ZNF382: variants seen among roughly 807,000 people sequenced by gnomAD.
The protein encoded by ZNF382 is zinc finger protein 382.
ZNF382 carries 20 observed loss-of-function variants against 38.8 expected under a neutral mutation model. The ratio of observed to expected loss-of-function variants is 0.51; its 90% CI spans 0.36 to 0.75. ZNF382 has a LOEUF of 0.75. Ranked by LOEUF, ZNF382 falls within the 30% of genes least tolerant of loss-of-function variation. The pLI is 0.00. For synonymous variants in ZNF382, 202 were observed against 223.1 expected (o/e 0.91, Z 0.84); for missense variants, 546 against 654.1 (o/e 0.83, Z 1.80).
At chr19:36,620,084 A>G (rs554267238) in intron 4 of ZNF382, among the ~76,000 whole-genome samples, 3 of 152,060 alleles carry the variant, frequency 2.0e-5, no homozygotes, top group African/African-American at 2.4e-5. Context: ...TTTAATATCT[A>G]TCTCCCTCAT....
chr19:36,606,413 T>C (rs1323578176), intron 1 of ZNF382, among the ~76,000 whole-genome samples: 1 of 151,470 alleles, frequency 6.6e-6, no homozygotes, highest in African/African-American at 2.4e-5. Context: ...TGGAGTGTAG[T>C]GGCATGATCT....
chr19:36,622,700 T>C (rs994882830), intron 4 of ZNF382, among the ~76,000 whole-genome samples: 3 of 152,088 alleles, frequency 2.0e-5, no homozygotes, highest in Non-Finnish European at 2.9e-5. Context: ...CCCTAAATCA[T>C]ATTGTTACTG....
In ZNF382 at chr19:36,627,371, A is replaced by G. The variant is rs751209191; in HGVS notation, c.1474A>G (p.Asn492Asp). 1.2e-5 allele frequency: 20 copies of G among 1,613,834 alleles called. No individual in the cohort carries two copies. The highest frequency in any genetic ancestry group is 1.6e-5 in the Non-Finnish European group (19 of 1,179,964). Reference protein sequence around the residue: ...HHRIHTGEKSNGCPQCGKAFS... With the variant: ...HHRIHTGEKSDGCPQCGKAFS... ...CAGAATACATACAGGAGAAAAATCC[A>G]ATGGGTGTCCTCAGTGTGGGAAAGC... Residue 492 changes from asparagine (N) to aspartate (D), a missense_variant, in exon 5 of 5, where the codon AAT (asparagine) becomes GAT (aspartate). By Grantham distance (23) the Asn-to-Asp change is conservative. Coordinates refer to ENST00000292928, the MANE Select transcript of ZNF382 (RefSeq NM_032825.5).
intron 4 of ZNF382, among the ~76,000 whole-genome samples, chr19:36,621,845 T>C (rs1334409097): frequency 1.3e-5 from 2 of 152,146 alleles, no homozygotes; most frequent in African/African-American, 2.4e-5. Context: ...AAAACTGTAA[T>C]TGGTTTTATT....
At position 36,626,753 on chromosome 19, in the gene ZNF382, C is replaced by T; in HGVS notation, c.856C>T (p.Pro286Ser). Residue 286 changes from proline to serine, a missense_variant, in exon 5 of 5, where the codon CCT (proline) becomes TCT (serine). Physicochemically the swap from Pro to Ser is moderately conservative, Grantham distance 74. Transcript: ENST00000292928. ...FLCRKPVFIM[P>S]QRPQTEEKPF... ...CTGCAGAAAGCCTGTTTTTATTATG[C>T]CTCAGAGACCTCAAACAGAAGAGAA... is the stretch of plus-strand genomic sequence containing the variant. The T allele has an allele frequency of 6.2e-7, 1 of 1,614,172 alleles. No homozygotes were observed. The highest frequency in any genetic ancestry group is 8.5e-7 in the Non-Finnish European group (1 of 1,180,038).
At chr19:36,609,091 G>A (rs1436782572) in intron 2 of ZNF382, 1 of 152,114 alleles carries the variant, frequency 6.6e-6, no homozygotes, top group African/African-American at 2.4e-5. Context: ...TATGTTTATT[G>A]ATGTTCTTTA....
chr19:36,614,914 C>CTTCCCTTTCCCTTTCCCT (rs1555793085), intron 4 of ZNF382, among the ~76,000 whole-genome samples: 10 of 90,784 alleles, frequency 1.1e-4, no homozygotes, highest in African/African-American at 3.7e-4. Flanking sequence ...CTTTCCTTTC[C>CTTCCCTTTCCCTTTCCCT]TTCCCTTTCC....
At chr19:36,621,241 T>G (rs546191839) in intron 4 of ZNF382, among the ~76,000 whole-genome samples, 2 of 152,054 alleles carry the variant, frequency 1.3e-5, no homozygotes, top group South Asian at 4.1e-4. Context: ...GATTTGCCAT[T>G]GACAGCTTCC....
intron 1 of ZNF382, among the ~76,000 whole-genome samples, chr19:36,606,120 A>G (rs1234397678): frequency 2.6e-5 from 4 of 152,166 alleles, no homozygotes; most frequent in Non-Finnish European, 5.9e-5. Context: ...AGACTTGATT[A>G]TCTGAATAGT....
chr19:36,633,653 A>G lies in ZNF382; in HGVS notation c.*6103A>G, dbSNP rs1363853952. On this transcript the variant is annotated 3_prime_UTR_variant, in exon 5 of 5. Coordinates refer to ENST00000292928, the MANE Select transcript of ZNF382 (RefSeq NM_032825.5). ...ACATGAGTGTTTGTAAGTATTATTT[A>G]TAATTAAAAAAAAAACTAGAGACAA... 2.0e-5 allele frequency: 3 copies of G among 152,284 alleles called. No homozygotes were observed. Among genetic ancestry groups the G allele is most frequent in the South Asian group, 2.1e-4 (1 of 4,828 alleles). 9.4% of individuals were successfully genotyped at this position (152,284 alleles called of 1,614,324 possible).
intron 4 of ZNF382, among the ~76,000 whole-genome samples, chr19:36,620,926 T>G (rs1392190476): frequency 6.6e-6 from 1 of 152,032 alleles, no homozygotes; most frequent in African/African-American, 2.4e-5. Flanking sequence ...GCCTGGCTAA[T>G]TTTTGTATTT....
At chr19:36,624,800 G>A (rs746524120) in intron 4 of ZNF382, among the ~76,000 whole-genome samples, 12 of 151,836 alleles carry the variant, frequency 7.9e-5, no homozygotes, top group African/African-American at 1.2e-4. Flanking sequence ...TACAGTTTCC[G>A]GGCACTGTGG....
At position 36,631,627 on chromosome 19, in the gene ZNF382, C is replaced by A. The variant is rs2037254909; in HGVS notation, c.*4077C>A. 1 of 152,104 alleles carries A rather than the reference C, an allele frequency of 6.6e-6. No individual in the cohort carries two copies. The highest frequency in any genetic ancestry group is 2.4e-5 in the African/African-American group (1 of 41,414). 9.4% of individuals were successfully genotyped at this position (152,104 alleles called of 1,614,324 possible). On this transcript the variant is annotated 3_prime_UTR_variant, in exon 5 of 5. Transcript: ENST00000292928. ...GGTCTCAATCTCCTGACCTCGTGAT[C>A]CACCCGCCTCGGCCTCTCAAAGTGC...
Position 36,626,222 on chromosome 19 carries a change from C to T in ZNF382, c.325C>T (p.Leu109=). The T allele has an allele frequency of 1.2e-6, 2 of 1,603,504 alleles. No individual in the cohort carries two copies. The highest frequency in any genetic ancestry group is 1.3e-5 in the African/African-American group (1 of 74,238). ...RPLIFINHKK[L]IKERSNIYGK... ...CCTCATATTCATCAACCACAAAAAACTAATTAAGGAGAGAAGTAATATTTA... is the reference window on the plus strand; with the variant it reads ...CCTCATATTCATCAACCACAAAAAATTAATTAAGGAGAGAAGTAATATTTA... The change falls in exon 5 of 5, where the codon CTA becomes TTA. Residue 109 remains leucine, a synonymous_variant. Transcript: ENST00000292928.
At position 36,633,532 on chromosome 19, in the gene ZNF382, A is replaced by G. The variant is rs2145345375; in HGVS notation, c.*5982A>G. On this transcript the variant is annotated 3_prime_UTR_variant, in exon 5 of 5. Coordinates refer to ENST00000292928, the MANE Select transcript of ZNF382 (RefSeq NM_032825.5). Reference sequence around the variant, plus strand: ...AAGCCGGTCTGGAAAACAATATGCCAGTCTCAAAAAGTTACACATCCAATA... The same window carrying G: ...AAGCCGGTCTGGAAAACAATATGCCGGTCTCAAAAAGTTACACATCCAATA... 6.6e-6 allele frequency: 1 copy of G among 152,360 alleles called. No homozygotes were observed. The highest frequency in any genetic ancestry group is 6.5e-5 in the Admixed American group (1 of 15,300). 9.4% of individuals were successfully genotyped at this position (152,360 alleles called of 1,614,324 possible).
At chr19:36,624,076 G>A (rs1438533923) in intron 4 of ZNF382, among the ~76,000 whole-genome samples, 1 of 151,752 alleles carries the variant, frequency 6.6e-6, no homozygotes, top group Non-Finnish European at 1.5e-5. Flanking sequence ...GTGACAGAGT[G>A]AGACTTTGTC....
At chr19:36,611,208 T>C (rs1407698006) in intron 4 of ZNF382, among the ~76,000 whole-genome samples, 3 of 152,100 alleles carry the variant, frequency 2.0e-5, no homozygotes, top group Non-Finnish European at 4.4e-5. Context: ...GAGAATTGCT[T>C]GAACCTGGGA....
At chr19:36,625,175 CT>C (rs977415182) in intron 4 of ZNF382, among the ~76,000 whole-genome samples, 5 of 120,726 alleles carry the variant, frequency 4.1e-5, no homozygotes, top group Non-Finnish European at 6.8e-5. Flanking sequence ...TATATTTTGT[CT>C]TTTGCTGTAT....
chr19:36,627,681 A>AACACACACACACAC lies in ZNF382; in HGVS notation c.*147_*160dup, dbSNP rs10669183. On this transcript the variant is annotated 3_prime_UTR_variant, in exon 5 of 5. Coordinates refer to ENST00000292928, the MANE Select transcript of ZNF382 (RefSeq NM_032825.5). ...TAACCTACTGTTTGCCAGCCTGTAA[A>AACACACACACACAC]ACACACACACACACACACACACACA... is the stretch of plus-strand genomic sequence containing the variant. The AACACACACACACAC allele has an allele frequency of 2.1e-5, 11 of 533,056 alleles. No homozygotes were observed. The highest frequency in any genetic ancestry group is 1.9e-4 in the African/African-American group (10 of 51,380). 33.0% of individuals were successfully genotyped at this position (533,056 alleles called of 1,614,324 possible).
Sources: allele counts gnomAD v4.1 joint callset (sites outside exome capture counted in the v4.1 genomes callset), GRCh38; gene constraint gnomAD v4.1.1; transcripts MANE v1.5; gene names NCBI Gene and HGNC (gene_info 2026-07-23, HGNC 2026-07-21).